ANK3: variants seen among roughly 807,000 people sequenced by gnomAD.
ANK3 encodes ankyrin-3.
ANK3 carries 57 observed loss-of-function variants against 370.9 expected under a neutral mutation model. That is an observed-to-expected ratio of 0.15 (90% CI 0.12 to 0.19). ANK3 has a LOEUF of 0.19. ANK3 is among the 10% of genes least tolerant of loss of function. The pLI is 1.00. For missense variants in ANK3, 4,439 were observed against 5,302.1 expected (o/e 0.84, Z 5.06); for synonymous variants, 1,929 against 1,946.3 (o/e 0.99, Z 0.23).
At position 60,382,794 on chromosome 10, in the gene ANK3, A is replaced by AATATATATATAT. The variant is rs1249807913; in HGVS notation, c.114+6630_114+6631insATATATATATAT. On this transcript the variant is annotated intron_variant, in intron 1 of 43. Coordinates refer to ENST00000280772, the MANE Select transcript of ANK3 (RefSeq NM_020987.5). ...TCCTTCGATATTTAACCTATACCTA[A>AATATATATATAT]ATCTATATATATATATATATATATA... Among the ~76,000 whole-genome samples the AATATATATATAT allele has an allele frequency of 4.3e-5, 2 of 46,750 alleles. 1 individual carries two copies. Among genetic ancestry groups the AATATATATATAT allele is most frequent in the South Asian group, 2.5e-3 (2 of 788 alleles). 30.7% of individuals were successfully genotyped at this position (46,750 alleles called of 152,430 possible).
chr10:60,543,072 T>G (rs2076885741), intron 2 of ANK3, among the ~76,000 whole-genome samples: 1 of 151,978 alleles, frequency 6.6e-6, no homozygotes, highest in African/African-American at 2.4e-5. Flanking sequence ...TTACTTAGAA[T>G]CTCATGAAAC....
chr10:60,285,557 C>G (rs1453282155), intron 1 of ANK3, among the ~76,000 whole-genome samples: 1 of 152,018 alleles, frequency 6.6e-6, no homozygotes, highest in Non-Finnish European at 1.5e-5. Flanking sequence ...TCTCTTTGTT[C>G]ACTTCCTTCT....
At position 60,074,560 on chromosome 10, in the gene ANK3, AGTATCTGTTCCAAAAAAG is replaced by A; in HGVS notation, c.6303_6320del (p.Phe2102_Thr2107del). 6.2e-7 allele frequency: 1 copy of A among 1,614,118 alleles called. No individual in the cohort carries two copies. Among genetic ancestry groups the A allele is most frequent in the Non-Finnish European group, 8.5e-7 (1 of 1,179,998 alleles). ...AAAAGTCATCAGGAGACTCTAAAAT[AGTATCTGTTCCAAAAAAG>A]GAATCAGCCATTTTACACAATTCTT... On this transcript the variant is annotated inframe_deletion, in exon 37 of 44. Transcript: ENST00000280772.
chr10:60,158,622 A>G (rs1264336658), intron 23 of ANK3, among the ~76,000 whole-genome samples: 1 of 152,128 alleles, frequency 6.6e-6, no homozygotes, highest in East Asian at 1.9e-4. Flanking sequence ...AAAAACCTAT[A>G]ATAGATATAC....
intron 7 of ANK3, among the ~76,000 whole-genome samples, chr10:60,254,984 A>G (rs961526687): frequency 6.6e-6 from 1 of 152,214 alleles, no homozygotes; most frequent in Non-Finnish European, 1.5e-5. Flanking sequence ...GTGTAAGATG[A>G]CACAGGTCTG....
intron 1 of ANK3, among the ~76,000 whole-genome samples, chr10:60,731,486 C>A (rs149391765): frequency 6.6e-6 from 1 of 152,318 alleles, no homozygotes; most frequent in East Asian, 1.9e-4. Flanking sequence ...AAATAACAAT[C>A]TAACTACAGT....
chr10:60,241,018 T>C (rs1253831885), intron 7 of ANK3, among the ~76,000 whole-genome samples: 1 of 152,222 alleles, frequency 6.6e-6, no homozygotes, highest in African/African-American at 2.4e-5. Context: ...TGTATTTTAA[T>C]ATTGCCTATT....
At chr10:60,040,654 T>C (rs1455902755) in intron 43 of ANK3, among the ~76,000 whole-genome samples, 3 of 152,220 alleles carry the variant, frequency 2.0e-5, no homozygotes, top group Non-Finnish European at 2.9e-5. Context: ...AAGCTGTTTT[T>C]AAATCAACAC....
At chr10:60,685,578 G>A (rs114226451) in intron 1 of ANK3, among the ~76,000 whole-genome samples, 28 of 152,314 alleles carry the variant, frequency 1.8e-4, no homozygotes, top group African/African-American at 6.0e-4. Flanking sequence ...AATAACCCGC[G>A]CTCATGAAGA....
intron 1 of ANK3, among the ~76,000 whole-genome samples, chr10:60,328,091 C>A (rs563177964): frequency 2.5e-4 from 38 of 152,226 alleles, no homozygotes; most frequent in African/African-American, 8.9e-4. Context: ...TCTGTTTTGT[C>A]TATTCAAACG....
intron 1 of ANK3, among the ~76,000 whole-genome samples, chr10:60,620,836 C>T (rs1315642458): frequency 1.3e-4 from 20 of 152,106 alleles, no homozygotes; most frequent in Admixed American, 1.3e-3. Context: ...TCTCTAATAA[C>T]AAGTAAAACA....
intron 42 of ANK3, among the ~76,000 whole-genome samples, chr10:60,047,098 C>T (rs962109830): frequency 1.4e-4 from 21 of 152,140 alleles, no homozygotes; most frequent in South Asian, 2.1e-4. Context: ...TGAGCCACCG[C>T]GCCCGGCCTC....
chr10:60,341,367 T>G (rs2054244062), intron 1 of ANK3, among the ~76,000 whole-genome samples: 1 of 152,148 alleles, frequency 6.6e-6, no homozygotes, highest in African/African-American at 2.4e-5. Context: ...ATTATTGTTA[T>G]TTGCATTCAT....
chr10:60,552,691 C>T (rs1892545), intron 2 of ANK3, among the ~76,000 whole-genome samples: 88,527 of 152,040 alleles, frequency 0.58, 26,215 homozygotes, highest in East Asian at 0.78. Flanking sequence ...TAAAGCTTTG[C>T]TAAATCTACT....
intron 2 of ANK3, among the ~76,000 whole-genome samples, chr10:60,399,250 C>T (rs1407997320): frequency 6.6e-6 from 1 of 151,966 alleles, no homozygotes; most frequent in Non-Finnish European, 1.5e-5. Context: ...AATTATCTGG[C>T]CATTAAAGAT....
chr10:60,246,858 C>G (rs2097564050), intron 7 of ANK3, among the ~76,000 whole-genome samples: 1 of 152,116 alleles, frequency 6.6e-6, no homozygotes, highest in Admixed American at 6.5e-5. Context: ...TGCTTCTCCC[C>G]ACACACACCC....
At chr10:60,495,573 G>C (rs533466443) in intron 2 of ANK3, among the ~76,000 whole-genome samples, 3 of 152,028 alleles carry the variant, frequency 2.0e-5, no homozygotes, top group Non-Finnish European at 2.9e-5. Flanking sequence ...GTGCACAAGG[G>C]GGCTCCAGCA....
At chr10:60,145,785 T>A (rs148061935) in intron 23 of ANK3, among the ~76,000 whole-genome samples, 38 of 152,228 alleles carry the variant, frequency 2.5e-4, no homozygotes, top group African/African-American at 8.4e-4. Flanking sequence ...TTACAAGAAA[T>A]TCGTAATCAA....
chr10:60,189,917 T>C (rs2096441440), intron 16 of ANK3, among the ~76,000 whole-genome samples: 1 of 152,208 alleles, frequency 6.6e-6, no homozygotes, highest in Admixed American at 6.5e-5. Flanking sequence ...TCCATATCAA[T>C]AGATATGTTG....
Sources: gnomAD v4.1 joint callset for allele counts (sites outside exome capture counted in the v4.1 genomes callset) on GRCh38, gnomAD v4.1.1 for gene constraint, MANE v1.5 for transcripts, NCBI Gene and HGNC (gene_info 2026-07-23, HGNC 2026-07-21) for gene names.